The following CACHD1 variants were observed in gnomAD, a reference collection of about 807,000 sequenced individuals.
CACHD1 encodes the protein cache domain containing 1, also known as VWFA and cache domain-containing protein 1.
Under a neutral mutation model 138.7 loss-of-function variants are expected in CACHD1, and 71 were observed. That is an observed-to-expected ratio of 0.51 (90% CI 0.42 to 0.62). CACHD1 has a LOEUF of 0.62. Among genes scored for constraint, CACHD1 ranks in the 20% least tolerant of loss-of-function variants. CACHD1 has a pLI of 0.00. For synonymous variants in CACHD1, 578 were observed against 591.5 expected, an observed-to-expected ratio of 0.98 and a Z score of 0.33; for missense variants, 1,389 against 1,625.3, an observed-to-expected ratio of 0.85 and a Z score of 2.50.
intron 2 of CACHD1, among the ~76,000 whole-genome samples, chr1:64,571,143 G>A (rs1338795665): frequency 2.6e-5 from 4 of 152,086 alleles, no homozygotes; most frequent in African/African-American, 9.7e-5. Flanking sequence ...CTAATGCCAC[G>A]TCATACTCAA....
At chr1:64,667,424 G>A (rs964235405) in intron 16 of CACHD1, among the ~76,000 whole-genome samples, 8 of 152,168 alleles carry the variant, frequency 5.3e-5, no homozygotes, top group South Asian at 4.1e-4. Context: ...CGTGGAAAAC[G>A]GGGCCCTGCA....
At chr1:64,569,419 G>T (rs2100506366) in intron 2 of CACHD1, among the ~76,000 whole-genome samples, 1 of 152,218 alleles carries the variant, frequency 6.6e-6, no homozygotes, top group African/African-American at 2.4e-5. Flanking sequence ...TGGTAGTGTT[G>T]TTTGAGCAAA....
chr1:64,606,730 G>T (rs1325871389), intron 4 of CACHD1, among the ~76,000 whole-genome samples: 1 of 152,224 alleles, frequency 6.6e-6, no homozygotes, highest in Non-Finnish European at 1.5e-5. Flanking sequence ...TAATAGTGCA[G>T]TGACAGTGGA....
At chr1:64,636,264 TA>T (rs775223666) in intron 7 of CACHD1, among the ~76,000 whole-genome samples, 2 of 152,222 alleles carry the variant, frequency 1.3e-5, no homozygotes, top group Non-Finnish European at 2.9e-5. Context: ...GCCTCGCACA[TA>T]ATGGATCCTC....
intron 8 of CACHD1, among the ~76,000 whole-genome samples, chr1:64,643,661 C>T (rs973666856): frequency 5.9e-5 from 9 of 152,054 alleles, no homozygotes; most frequent in African/African-American, 1.2e-4. Context: ...ACGGTGAAAC[C>T]CCATCTCTGC....
At chr1:64,573,907 T>C (rs1646946155) in intron 2 of CACHD1, among the ~76,000 whole-genome samples, 1 of 152,178 alleles carries the variant, frequency 6.6e-6, no homozygotes, top group Admixed American at 6.5e-5. Flanking sequence ...TAATCAGCAA[T>C]CAATTAGTTC....
intron 9 of CACHD1, 70 bp downstream of exon 9, chr1:64,648,104 C>T (rs1366233525): frequency 1.7e-6 from 2 of 1,199,950 alleles, no homozygotes; most frequent in African/African-American, 1.5e-5. Flanking sequence ...GCACCTCTTT[C>T]TCAGGATCAT....
In CACHD1 at chr1:64,658,768, C is replaced by T; in HGVS notation, c.1846C>T (p.Leu616=). The T allele has an allele frequency of 2.5e-6, 4 of 1,610,646 alleles. No homozygotes were observed. The highest frequency in any genetic ancestry group is 3.4e-6 in the Non-Finnish European group (4 of 1,178,114). Residue 616 remains leucine, a synonymous_variant, in exon 13 of 27, where the codon CTG becomes TTG. Coordinates refer to ENST00000651257, the MANE Select transcript of CACHD1 (RefSeq NM_020925.4). ...ACAACCAGAAATACCTGTGAAACAA[C>T]TGAAGAACCTCAACACTGTTCCCAG... ...VIQPEIPVKQ[L]KNLNTVPSSK... is the part of the protein sequence containing the mutation.
At chr1:64,651,677 T>C (rs1649100853) in intron 9 of CACHD1, among the ~76,000 whole-genome samples, 1 of 152,096 alleles carries the variant, frequency 6.6e-6, no homozygotes, top group South Asian at 2.1e-4. Context: ...TTAAAAAAAT[T>C]AACAGATGTG....
At chr1:64,685,394 T>C (rs905579350) in intron 26 of CACHD1, among the ~76,000 whole-genome samples, 1 of 152,214 alleles carries the variant, frequency 6.6e-6, no homozygotes, top group African/African-American at 2.4e-5. Flanking sequence ...TTTCTCATAA[T>C]GTATCTCTGT....
intron 2 of CACHD1, among the ~76,000 whole-genome samples, chr1:64,558,655 A>G (rs1177618122): frequency 6.6e-6 from 1 of 152,214 alleles, no homozygotes; most frequent in Non-Finnish European, 1.5e-5. Flanking sequence ...AACGGGATCT[A>G]ATTGAAGGTA....
Position 64,691,832 on chromosome 1 carries a change from A to G in CACHD1, c.*271A>G, listed in dbSNP as rs1650569369. 3 of 436,194 alleles carry G rather than the reference A, an allele frequency of 6.9e-6. No homozygotes were observed. Among genetic ancestry groups the G allele is most frequent in the Non-Finnish European group, 1.3e-5 (3 of 237,690 alleles). 27.0% of individuals were successfully genotyped at this position (436,194 alleles called of 1,614,324 possible). ...CCATAACACTAATGGAAGGTAACAG[A>G]AGGCGAACCTCCAAACACAGAGACG... On this transcript the variant is annotated 3_prime_UTR_variant, in exon 27 of 27. Transcript: ENST00000651257.
intron 3 of CACHD1, among the ~76,000 whole-genome samples, chr1:64,599,629 T>G (rs184264601): frequency 2.6e-5 from 4 of 152,284 alleles, no homozygotes; most frequent in Non-Finnish European, 5.9e-5. Context: ...TGGAGAAATG[T>G]TTATCAAGCA....
chr1:64,602,730 C>T (rs932018323), intron 3 of CACHD1, 76 bp from the exon 4 acceptor site: 5 of 900,042 alleles, frequency 5.6e-6, no homozygotes, highest in Non-Finnish European at 9.3e-6. Context: ...ATCTTGTACA[C>T]AATGTAAACC....
Position 64,564,573 on chromosome 1 carries a change from C to T in CACHD1, c.261+13917C>T, listed in dbSNP as rs572302349. Among the ~76,000 whole-genome samples, 3 of 152,236 alleles carry T rather than the reference C, an allele frequency of 2.0e-5. No homozygotes were observed. The South Asian group carries it at 6.2e-4, about 32-fold the overall frequency. On this transcript the variant is annotated intron_variant, in intron 2 of 26. Transcript: ENST00000651257. ...TTAATTTGTAACCCAGCCAAGGAAC[C>T]TGGAAGGGTAGTGGGATGCCATTTT...
chr1:64,617,464 A>G (rs1376461813), intron 4 of CACHD1, among the ~76,000 whole-genome samples: 6 of 152,148 alleles, frequency 3.9e-5, no homozygotes, highest in Admixed American at 3.9e-4. Context: ...AATCAAGGAC[A>G]GAATGGACTG....
intron 1 of CACHD1, among the ~76,000 whole-genome samples, chr1:64,516,446 A>G (rs1646460022): frequency 6.6e-6 from 1 of 152,182 alleles, no homozygotes; most frequent in Non-Finnish European, 1.5e-5. Flanking sequence ...GTGTTCATAA[A>G]CAAAACACCC....
At chr1:64,523,623 A>G (rs1646514593) in intron 1 of CACHD1, among the ~76,000 whole-genome samples, 1 of 152,096 alleles carries the variant, frequency 6.6e-6, no homozygotes, top group African/African-American at 2.4e-5. Flanking sequence ...TTTTTCCTTC[A>G]TGTGTTATTG....
Position 64,623,250 on chromosome 1 carries a change from A to G in CACHD1, c.518-6105A>G, listed in dbSNP as rs112149868. 4.2e-3 allele frequency among the ~76,000 whole-genome samples: 641 copies of G among 152,228 alleles called. 3 individuals carry two copies. Among genetic ancestry groups the G allele is most frequent in the Non-Finnish European group, 7.2e-3 (487 of 68,026 alleles). ...AACCCCGTCTCTACTACTAATAAAA[A>G]AATGAGCTGGGCATGGTGACGGGTA... On this transcript the variant is annotated intron_variant, in intron 4 of 26. Transcript: ENST00000651257.
Sources: gnomAD v4.1 joint callset for allele counts (sites outside exome capture counted in the v4.1 genomes callset) on GRCh38, gnomAD v4.1.1 for gene constraint, MANE v1.5 for transcripts, NCBI Gene and HGNC (gene_info 2026-07-23, HGNC 2026-07-21) for gene names.